Variants in ASXL3 observed in about 807,000 individuals in gnomAD.
ASXL3 encodes ASXL transcriptional regulator 3.
In ASXL3, 34 loss-of-function variants were observed where a neutral mutation model predicts 170.6. The observed-to-expected ratio is 0.20, with a 90% CI of 0.15 to 0.27. The LOEUF (loss-of-function observed/expected upper bound fraction) is 0.27, where lower values mean the gene tolerates loss of function less well. Ranked by LOEUF, ASXL3 falls within the 10% of genes least tolerant of loss-of-function variation. The probability of loss-of-function intolerance (pLI) is 1.00; values close to 1 mark genes in which losing one functional copy is unlikely to be tolerated. For synonymous variants in ASXL3, 1,002 were observed against 989.1 expected, an observed-to-expected ratio of 1.01 and a Z score of -0.24; for missense variants, 2,592 against 2,695.3, an observed-to-expected ratio of 0.96 and a Z score of 0.85.
rs1049781637 is a variant in ASXL3 at position 33,749,349 on chromosome 18, G to A, written c.*2754G>A. 1 of 152,022 alleles carries A rather than the reference G, an allele frequency of 6.6e-6. No individual in the cohort carries two copies. The highest frequency in any genetic ancestry group is 6.5e-5 in the Admixed American group (1 of 15,270). The allele number at this position is 152,022 out of a possible 1,614,324, so 9.4% of individuals were successfully genotyped here. On this transcript the variant is annotated 3_prime_UTR_variant, in exon 12 of 12. Coordinates refer to ENST00000269197, the MANE Select transcript of ASXL3 (RefSeq NM_030632.3). ...TTATTTACTACATGGTTATTGTGGTGTAGTGTGCAAATGTTAGCATGTGCA... is the reference window on the plus strand; with the variant it reads ...TTATTTACTACATGGTTATTGTGGTATAGTGTGCAAATGTTAGCATGTGCA...
In ASXL3 at chr18:33,594,369, T is replaced by C. The variant is rs140492958; in HGVS notation, c.55-13225T>C. Among the ~76,000 whole-genome samples, 176 of 152,270 alleles carry C rather than the reference T, an allele frequency of 1.2e-3. 2 individuals carry two copies. Among genetic ancestry groups the C allele is most frequent in the African/African-American group, 4.1e-3 (172 of 41,568 alleles). ...TTCGTTCTGTCATCAAAATGTGATA[T>C]TACAGTATAATGAGCTCCCAACCTG... is the stretch of plus-strand genomic sequence containing the variant. On this transcript the variant is annotated intron_variant, in intron 1 of 11. Transcript: ENST00000269197.
chr18:33,713,248 G>T (rs11663022), intron 8 of ASXL3, among the ~76,000 whole-genome samples: 28,195 of 64,510 alleles, frequency 0.44, 6,978 homozygotes, highest in East Asian at 0.82. Context: ...GTTTTGTTTT[G>T]TTTTTTTTTT....
chr18:33,632,450 A>G (rs998744630), intron 2 of ASXL3, among the ~76,000 whole-genome samples: 3 of 152,166 alleles, frequency 2.0e-5, no homozygotes, highest in Non-Finnish European at 2.9e-5. Flanking sequence ...TGATGCATGT[A>G]CATATCTGAA....
intron 2 of ASXL3, among the ~76,000 whole-genome samples, chr18:33,629,051 C>T (rs372112429): frequency 1.3e-5 from 2 of 152,092 alleles, no homozygotes; most frequent in African/African-American, 4.8e-5. Flanking sequence ...GTTATCCTAA[C>T]GTCATGTTGT....
chr18:33,666,621 T>C (rs191743000), intron 5 of ASXL3, among the ~76,000 whole-genome samples: 74 of 152,206 alleles, frequency 4.9e-4, no homozygotes, highest in Non-Finnish European at 9.1e-4. Context: ...ATATGTAGCA[T>C]AAAGTAAAGT....
chr18:33,601,401 T>G (rs1394831190), intron 1 of ASXL3, among the ~76,000 whole-genome samples: 1 of 151,946 alleles, frequency 6.6e-6, no homozygotes, highest in Admixed American at 6.6e-5. Context: ...TTTTTGTGAG[T>G]AAGGAAGAGA....
intron 2 of ASXL3, among the ~76,000 whole-genome samples, chr18:33,626,412 T>G (rs2065604698): frequency 1.3e-5 from 2 of 152,076 alleles, no homozygotes; most frequent in African/African-American, 2.4e-5. Flanking sequence ...TGATGGTAGT[T>G]AGACTTATGA....
chr18:33,750,234 T>C lies in ASXL3; in HGVS notation c.*3639T>C, dbSNP rs1479957008. On this transcript the variant is annotated 3_prime_UTR_variant, in exon 12 of 12. Coordinates refer to ENST00000269197, the MANE Select transcript of ASXL3 (RefSeq NM_030632.3). ...CTGTCAGGGGCCTATGTAGCCAAAA[T>C]GTTACTAAATATAAAATTCCTGTCG... The C allele has an allele frequency of 6.6e-6, 1 of 152,216 alleles. No individual in the cohort carries two copies. Among genetic ancestry groups the C allele is most frequent in the African/African-American group, 2.4e-5 (1 of 41,454 alleles). The allele number at this position is 152,216 out of a possible 1,614,324, so 9.4% of individuals were successfully genotyped here. A position where few individuals can be genotyped will look rare whatever the true frequency, so the allele number is the denominator to read the frequency against.
At chr18:33,668,458 T>A (rs8083020) in intron 5 of ASXL3, among the ~76,000 whole-genome samples, 6,851 of 151,728 alleles carry the variant, frequency 0.045, 200 homozygotes, top group South Asian at 0.081. Flanking sequence ...AAAAAAAATC[T>A]TTTTATATAG....
rs1427598504 is a variant in ASXL3 at position 33,734,307 on chromosome 18, T to C, written c.977-3T>C. 2 of 1,589,508 alleles carry C rather than the reference T, an allele frequency of 1.3e-6. No individual in the cohort carries two copies. The highest frequency in any genetic ancestry group is 8.5e-7 in the Non-Finnish European group (1 of 1,169,616). ...ATTCAATACATTAGCATTTTCTTTT[T>C]AGGAGAGTTTACCCCAGAAATGCAG... On this transcript the variant is annotated splice_region_variant and splice_polypyrimidine_tract_variant and intron_variant, in intron 9 of 11. Coordinates refer to ENST00000269197, the MANE Select transcript of ASXL3 (RefSeq NM_030632.3).
At chr18:33,725,272 C>A (rs886214702) in intron 8 of ASXL3, among the ~76,000 whole-genome samples, 5 of 152,068 alleles carry the variant, frequency 3.3e-5, no homozygotes, top group African/African-American at 1.2e-4. Flanking sequence ...GTATTGGACA[C>A]AACAGCTAAT....
chr18:33,697,851 A>C (rs2066797668), intron 8 of ASXL3, among the ~76,000 whole-genome samples: 1 of 151,886 alleles, frequency 6.6e-6, no homozygotes, highest in Non-Finnish European at 1.5e-5. Context: ...AAAAAATCAT[A>C]ATAATTTTAG....
intron 8 of ASXL3, among the ~76,000 whole-genome samples, chr18:33,705,230 G>T (rs964475672): frequency 1.3e-5 from 2 of 151,728 alleles, no homozygotes; most frequent in East Asian, 3.9e-4. Flanking sequence ...AGATAACAAT[G>T]AAGCTACCAT....
At chr18:33,705,734 T>C (rs2066944987) in intron 8 of ASXL3, among the ~76,000 whole-genome samples, 1 of 151,946 alleles carries the variant, frequency 6.6e-6, no homozygotes, top group Non-Finnish European at 1.5e-5. Context: ...TCATTTATTT[T>C]TGTGTGAAAG....
rs148916319 is a variant in ASXL3, at chr18:33,591,396, T to C, written c.54+12711T>C. ...AAAGAGAATACACATTTAGTCTGGA[T>C]CCACCAGGATCTTTAGTGAGCGAAT... On this transcript the variant is annotated intron_variant, in intron 1 of 11. Transcript: ENST00000269197. Among the ~76,000 whole-genome samples the C allele has an allele frequency of 2.4e-3, 360 of 152,290 alleles. 2 individuals are homozygous for C. The highest frequency in any genetic ancestry group is 8.4e-3 in the African/African-American group (350 of 41,566).
intron 2 of ASXL3, among the ~76,000 whole-genome samples, chr18:33,620,670 T>C (rs1462262153): frequency 2.0e-5 from 3 of 152,178 alleles, no homozygotes; most frequent in Admixed American, 6.6e-5. Context: ...TATAAGTTAC[T>C]TTTTATAGTA....
intron 11 of ASXL3, among the ~76,000 whole-genome samples, chr18:33,742,111 CAG>C (rs1392544817): frequency 6.6e-6 from 1 of 152,220 alleles, no homozygotes; most frequent in Non-Finnish European, 1.5e-5. Flanking sequence ...GACAGAAAAT[CAG>C]AGTTTCCCTT....
At position 33,744,491 on chromosome 18, in the gene ASXL3, A is replaced by G. The variant is rs780474228; in HGVS notation, c.4643A>G (p.Asp1548Gly). ...ATTGCTGCTTCGGCAGCAAAACAAGACAGTAAAACATTGCCGGCCACCTGC... is the reference window on the plus strand; with the variant it reads ...ATTGCTGCTTCGGCAGCAAAACAAGGCAGTAAAACATTGCCGGCCACCTGC... ...TFIAASAAKQ[D>G]SKTLPATCTS... Residue 1548 changes from aspartate (D) to glycine (G), a missense_variant, in exon 12 of 12, where the codon GAC (aspartate) becomes GGC (glycine). Physicochemically the swap from Asp to Gly is moderately conservative, Grantham distance 94 (BLOSUM62 -1). Around this residue, in one of 4 missense-constraint regions of ASXL3, gnomAD observed 2,246 missense variants for 2,219.6 expected, o/e 1.01. Coordinates refer to ENST00000269197, the MANE Select transcript of ASXL3 (RefSeq NM_030632.3). The G allele has an allele frequency of 9.9e-6, 16 of 1,612,954 alleles. No individual in the cohort carries two copies. In the East Asian group the frequency reaches 3.3e-4, roughly 34 times the overall value.
intron 8 of ASXL3, among the ~76,000 whole-genome samples, chr18:33,718,163 T>A (rs183326581): frequency 1.3e-5 from 2 of 152,136 alleles, no homozygotes; most frequent in African/African-American, 4.8e-5. Flanking sequence ...GTTCCTACTC[T>A]GTCATGCTAT....
Sources: allele counts gnomAD v4.1 joint callset (sites outside exome capture counted in the v4.1 genomes callset), GRCh38; gene constraint gnomAD v4.1.1; regional missense constraint gnomAD v4.1.1; transcripts MANE v1.5; gene names NCBI Gene and HGNC (gene_info 2026-07-23, HGNC 2026-07-21).